RCN1: variants seen among roughly 807,000 people sequenced by gnomAD.
RCN1 encodes reticulocalbin 1.
Under a neutral mutation model 34.7 loss-of-function variants are expected in RCN1, and 14 were observed. The ratio of observed to expected loss-of-function variants is 0.40; its 90% CI spans 0.27 to 0.63. RCN1 has a LOEUF of 0.63. Among genes scored for constraint, RCN1 ranks in the 30% least tolerant of loss-of-function variants. The pLI, the probability that RCN1 is intolerant of heterozygous loss-of-function variation, is 0.37. For synonymous variants in RCN1, 125 were observed against 165.5 expected (o/e 0.76, Z 1.88); for missense variants, 326 against 425.1 (o/e 0.77, Z 2.05).
intron 1 of RCN1, chr11:32,091,672 T>C: frequency 1.8e-6 from 1 of 559,092 alleles, no homozygotes; most frequent in East Asian, 3.6e-5. Flanking sequence ...GCCGGGGTGG[T>C]TTCTCGCGGG....
At chr11:32,092,751 C>G (rs758591899) in intron 1 of RCN1, among the ~76,000 whole-genome samples, 16 of 152,130 alleles carry the variant, frequency 1.1e-4, no homozygotes, top group Admixed American at 7.2e-4. Flanking sequence ...GGCACCAGGT[C>G]TCAGATCTCC....
rs989739995 is a variant in RCN1 at position 32,091,287 on chromosome 11, C to G, written c.91C>G (p.Pro31Ala). The change falls in exon 1 of 6, where the codon CCC (proline) becomes GCC (alanine). Residue 31 changes from proline (P) to alanine (A), a missense_variant. Pro to Ala is a conservative substitution (Grantham distance 27). Coordinates refer to ENST00000054950, the MANE Select transcript of RCN1 (RefSeq NM_002901.4). ...VLAPRVLRAK[P>A]TVRKERVVRP... ...GGCGCCGCGGGTTCTGCGGGCCAAG[C>G]CCACGGTGCGCAAAGAGCGCGTGGT... is the stretch of plus-strand genomic sequence containing the variant. 1.3e-6 allele frequency: 2 copies of G among 1,544,086 alleles called. No homozygotes were observed. The highest frequency in any genetic ancestry group is 1.7e-6 in the Non-Finnish European group (2 of 1,144,568).
intron 1 of RCN1, among the ~76,000 whole-genome samples, chr11:32,092,386 T>C (rs1330761148): frequency 6.6e-6 from 1 of 152,088 alleles, no homozygotes; most frequent in Non-Finnish European, 1.5e-5. Context: ...CAGTTTCCGA[T>C]TGGAAACACG....
chr11:32,102,590 A>G (rs976944538), intron 4 of RCN1: 7 of 156,782 alleles, frequency 4.5e-5, no homozygotes, highest in Non-Finnish European at 8.4e-5. Flanking sequence ...ATCTTGTAGA[A>G]TTGTTATAAG....
At chr11:32,099,582 G>A (rs983197882) in intron 3 of RCN1, among the ~76,000 whole-genome samples, 10 of 152,286 alleles carry the variant, frequency 6.6e-5, no homozygotes, top group East Asian at 3.9e-4. Flanking sequence ...GTTGCTTTCC[G>A]TAGTGTCTTG....
intron 4 of RCN1, among the ~76,000 whole-genome samples, chr11:32,101,466 A>C (rs933597028): frequency 6.6e-6 from 1 of 152,234 alleles, no homozygotes; most frequent in African/African-American, 2.4e-5. Flanking sequence ...CAGATTTTTA[A>C]TCAAAGCCAT....
intron 4 of RCN1, 71 bp downstream of exon 4, chr11:32,100,679 ACTTTC>A: frequency 4.8e-6 from 6 of 1,259,764 alleles, no homozygotes; most frequent in Non-Finnish European, 5.8e-6. Flanking sequence ...ACGTCTGGCT[ACTTTC>A]CCCAGACGTC....
Position 32,104,987 on chromosome 11 carries a change from ACT to A in RCN1, c.*518_*519del, listed in dbSNP as rs1565352108. On this transcript the variant is annotated 3_prime_UTR_variant, in exon 6 of 6. Transcript: ENST00000054950. ...TCAGATTCTTTCTTTTCGACTTTAT[ACT>A]CTGAGTTATTACTTACTGTAAGTGG... 2 of 168,582 alleles carry A rather than the reference ACT, an allele frequency of 1.2e-5. No individual in the cohort carries two copies. The highest frequency in any genetic ancestry group is 2.9e-5 in the Non-Finnish European group (2 of 69,252). The allele number at this position is 168,582 out of a possible 1,614,324, so 10.4% of individuals were successfully genotyped here. A position where few individuals can be genotyped will look rare whatever the true frequency, so the allele number is the denominator to read the frequency against.
chr11:32,091,750 A>T (rs1851924452), intron 1 of RCN1: 3 of 433,670 alleles, frequency 6.9e-6, no homozygotes, highest in Admixed American at 4.7e-5. Flanking sequence ...CCCAGGTTGC[A>T]TCAGAAGGGA....
intron 1 of RCN1, among the ~76,000 whole-genome samples, chr11:32,092,878 G>T (rs1444966368): frequency 6.6e-6 from 1 of 152,154 alleles, no homozygotes; most frequent in African/African-American, 2.4e-5. Context: ...GGAATATGAG[G>T]ATAAATTATA....
intron 1 of RCN1, among the ~76,000 whole-genome samples, chr11:32,094,994 A>G (rs1851956477): frequency 6.6e-6 from 1 of 152,160 alleles, no homozygotes; most frequent in African/African-American, 2.4e-5. Flanking sequence ...CTAGATGTTT[A>G]TTTGGCATAG....
intron 1 of RCN1, 45 bp downstream of exon 1, chr11:32,091,495 G>A: frequency 6.6e-7 from 1 of 1,525,140 alleles, no homozygotes; most frequent in Non-Finnish European, 8.8e-7. Flanking sequence ...GCAGGTGTCC[G>A]AGGGCCGCCT....
rs1396930930 is a variant in RCN1, at chr11:32,091,187, C to T, written c.-10C>T. 3 of 1,425,030 alleles carry T rather than the reference C, an allele frequency of 2.1e-6. No homozygotes were observed. Among genetic ancestry groups the T allele is most frequent in the Non-Finnish European group, 2.7e-6 (3 of 1,097,022 alleles). 88.3% of individuals were successfully genotyped at this position (1,425,030 alleles called of 1,614,324 possible). On this transcript the variant is annotated 5_prime_UTR_variant, in exon 1 of 6. Coordinates refer to ENST00000054950, the MANE Select transcript of RCN1 (RefSeq NM_002901.4). ...AGCGTCTCCCTCTCGGCCGCCCTCT[C>T]CTCGGGACGATGGCGCGCGGTGGCC...
At chr11:32,095,700 GCC>G (rs1244924718) in intron 1 of RCN1, among the ~76,000 whole-genome samples, 5 of 152,122 alleles carry the variant, frequency 3.3e-5, no homozygotes, top group Non-Finnish European at 7.4e-5. Context: ...GAGCCACCAT[GCC>G]CGGCCATTCC....
At chr11:32,097,898 G>A (rs1302603363) in intron 2 of RCN1, among the ~76,000 whole-genome samples, 2 of 152,220 alleles carry the variant, frequency 1.3e-5, no homozygotes, top group Admixed American at 6.5e-5. Context: ...GTGCAGACCT[G>A]CTGGGTGCAT....
intron 1 of RCN1, 54 bp downstream of exon 1, chr11:32,091,504 C>T (rs1309103092): frequency 4.6e-6 from 7 of 1,521,818 alleles, no homozygotes; most frequent in South Asian, 1.2e-5. Flanking sequence ...CGAGGGCCGC[C>T]TGGGCGAGAG....
chr11:32,094,818 C>T (rs1365313270), intron 1 of RCN1, among the ~76,000 whole-genome samples: 1 of 152,218 alleles, frequency 6.6e-6, no homozygotes, highest in Non-Finnish European at 1.5e-5. Flanking sequence ...GGACCAGAGG[C>T]AGGACGGGGA....
chr11:32,092,069 G>A (rs1014605867), intron 1 of RCN1, among the ~76,000 whole-genome samples: 9 of 152,086 alleles, frequency 5.9e-5, no homozygotes, highest in African/African-American at 1.9e-4. Context: ...GCCGAGGCGG[G>A]GGGAGGGGTG....
intron 2 of RCN1, 39 bp downstream of exon 2, chr11:32,097,376 C>A: frequency 6.9e-7 from 1 of 1,447,588 alleles, no homozygotes; most frequent in Non-Finnish European, 9.2e-7. Context: ...AGTGGGGGCC[C>A]AGATCACAAG....
Sources: allele counts gnomAD v4.1 joint callset (sites outside exome capture counted in the v4.1 genomes callset), GRCh38; gene constraint gnomAD v4.1.1; transcripts MANE v1.5; gene names NCBI Gene and HGNC (gene_info 2026-07-23, HGNC 2026-07-21).